Variants in AK5 observed in about 807,000 individuals in gnomAD.
The protein encoded by AK5 is adenylate kinase 5, also known as adenylate kinase isoenzyme 5.
In AK5, 27 loss-of-function variants were observed where a neutral mutation model predicts 69.5. That is an observed-to-expected ratio of 0.39 (90% CI 0.29 to 0.54). The LOEUF (loss-of-function observed/expected upper bound fraction) is 0.54, where lower values mean the gene tolerates loss of function less well. AK5 is among the 20% of genes least tolerant of loss of function. The probability of loss-of-function intolerance (pLI) is 0.71; values close to 1 mark genes in which losing one functional copy is unlikely to be tolerated. For missense variants in AK5, 531 were observed against 700.4 expected, an observed-to-expected ratio of 0.76 and a Z score of 2.73; for synonymous variants, 260 against 244.4, an observed-to-expected ratio of 1.06 and a Z score of -0.60.
At chr1:77,443,370 A>G (rs1173200923) in intron 8 of AK5, among the ~76,000 whole-genome samples, 1 of 152,190 alleles carries the variant, frequency 6.6e-6, no homozygotes, top group Non-Finnish European at 1.5e-5. Context: ...CTTAACCCAG[A>G]TAGACATGGA....
intron 10 of AK5, among the ~76,000 whole-genome samples, chr1:77,504,657 G>A (rs372411958): frequency 1.6e-4 from 24 of 152,160 alleles, no homozygotes; most frequent in African/African-American, 4.6e-4. Context: ...CTAATTGGAC[G>A]CATGTGTCTT....
chr1:77,328,677 T>C (rs955174240), intron 5 of AK5, among the ~76,000 whole-genome samples: 1 of 152,222 alleles, frequency 6.6e-6, no homozygotes, highest in Non-Finnish European at 1.5e-5. Flanking sequence ...ACTAACGATA[T>C]ACTCTGTTCA....
At chr1:77,491,820 T>C (rs74090619) in intron 10 of AK5, among the ~76,000 whole-genome samples, 7,135 of 152,282 alleles carry the variant, frequency 0.047, 353 homozygotes, top group East Asian at 0.2. Context: ...CCTATCCATC[T>C]TCTGGAGTAA....
At chr1:77,450,608 T>C (rs1653084032) in intron 8 of AK5, among the ~76,000 whole-genome samples, 2 of 152,318 alleles carry the variant, frequency 1.3e-5, no homozygotes, top group Admixed American at 6.5e-5. Context: ...CACTCTAAGT[T>C]CATCACTTTC....
At chr1:77,376,398 A>G (rs1647238477) in intron 6 of AK5, among the ~76,000 whole-genome samples, 1 of 148,700 alleles carries the variant, frequency 6.7e-6, no homozygotes, top group African/African-American at 2.5e-5. Context: ...GTGCAAAACC[A>G]AGCCAAAAAG....
At chr1:77,323,681 T>G (rs1397591854) in intron 5 of AK5, among the ~76,000 whole-genome samples, 1 of 152,214 alleles carries the variant, frequency 6.6e-6, no homozygotes, top group Admixed American at 6.5e-5. Context: ...ATAAGCCTTT[T>G]GGAAATTAAC....
intron 13 of AK5, among the ~76,000 whole-genome samples, chr1:77,555,147 A>G (rs1410725102): frequency 2.6e-5 from 4 of 152,016 alleles, no homozygotes; most frequent in Non-Finnish European, 5.9e-5. Flanking sequence ...GCATGGTGGC[A>G]CACACCTATA....
chr1:77,396,548 A>G (rs1170908600), intron 6 of AK5, among the ~76,000 whole-genome samples: 1 of 152,252 alleles, frequency 6.6e-6, no homozygotes, highest in African/African-American at 2.4e-5. Context: ...TACAAACAAT[A>G]TTAACACAAA....
chr1:77,293,726 G>GT, intron 2 of AK5, 67 bp from the exon 3 acceptor site: 1 of 1,366,588 alleles, frequency 7.3e-7, no homozygotes, highest in Non-Finnish European at 1.0e-6. Flanking sequence ...TTTACTAACT[G>GT]TTTAAGTGTG....
At chr1:77,293,657 A>G (rs1433585110) in intron 2 of AK5, 136 bp from the exon 3 acceptor site, 1 of 714,864 alleles carries the variant, frequency 1.4e-6, no homozygotes, top group Non-Finnish European at 2.2e-6. Flanking sequence ...CCTGCTGACC[A>G]CTTAGGGAGA....
chr1:77,524,973 C>T (rs1658192331), intron 12 of AK5, among the ~76,000 whole-genome samples: 1 of 152,176 alleles, frequency 6.6e-6, no homozygotes, highest in Non-Finnish European at 1.5e-5. Context: ...AGTGGTGAAT[C>T]TTGGCTCACT....
rs188142512 is a variant in AK5 at position 77,291,240 on chromosome 1, A to C, written c.248-2553A>C. ...TATCCTTTTAGACTTGAAACCTGGAAATTGTTTTTGAACTGTCACCTCCTT... is the reference window on the plus strand; with the variant it reads ...TATCCTTTTAGACTTGAAACCTGGACATTGTTTTTGAACTGTCACCTCCTT... On this transcript the variant is annotated intron_variant, in intron 2 of 13. Transcript: ENST00000354567. 4.6e-5 allele frequency among the ~76,000 whole-genome samples: 7 copies of C among 152,284 alleles called. No individual in the cohort carries two copies. The East Asian group carries it at 9.6e-4, about 21-fold the overall frequency.
At chr1:77,373,976 G>A (rs17100476) in intron 6 of AK5, among the ~76,000 whole-genome samples, 17,527 of 152,156 alleles carry the variant, frequency 0.12, 1,114 homozygotes, top group Middle Eastern at 0.14. Flanking sequence ...AATTGCCCAA[G>A]AAACTATATG....
intron 13 of AK5, among the ~76,000 whole-genome samples, chr1:77,557,504 AGAG>A (rs1331264528): frequency 2.0e-5 from 3 of 152,228 alleles, no homozygotes; most frequent in African/African-American, 7.2e-5. Context: ...GTGCGTTAGG[AGAG>A]GAGAAGGGGC....
intron 8 of AK5, among the ~76,000 whole-genome samples, chr1:77,418,563 G>A (rs563967619): frequency 6.4e-4 from 97 of 152,180 alleles, no homozygotes; most frequent in African/African-American, 2.3e-3. Context: ...CCTCTCAGCA[G>A]AAGAACTCTC....
chr1:77,333,376 A>T (rs561901766), intron 5 of AK5, among the ~76,000 whole-genome samples: 165 of 152,276 alleles, frequency 1.1e-3, no homozygotes, highest in African/African-American at 3.9e-3. Flanking sequence ...TATCCAGTTC[A>T]TATTTTTTTA....
chr1:77,446,217 C>CTTT (rs1570146551), intron 8 of AK5, among the ~76,000 whole-genome samples: 1 of 152,082 alleles, frequency 6.6e-6, no homozygotes, highest in Non-Finnish European at 1.5e-5. Flanking sequence ...TTTTGGTGCC[C>CTTT]TTGCTGAAAA....
chr1:77,518,566 GGT>G lies in AK5; in HGVS notation c.1151_1152del (p.Gly384AlafsTer10), dbSNP rs770224197. 1 of 1,613,862 alleles carries G rather than the reference GGT, an allele frequency of 6.2e-7. No individual in the cohort carries two copies. The highest frequency in any genetic ancestry group is 8.5e-7 in the Non-Finnish European group (1 of 1,179,870). On this transcript the variant is annotated frameshift_variant, in exon 11 of 14. Transcript: ENST00000354567. LOFTEE classifies it high-confidence loss of function. ...RKCKIIFIIG[G>X]PGSGKGTQCE... is the part of the protein sequence containing the mutation. ...CTGACACATGACTTCTTTTCAAGGT[GGT>G]CCTGGCTCTGGCAAAGGCACACAGT...
At chr1:77,344,748 T>A (rs1332149466) in intron 6 of AK5, among the ~76,000 whole-genome samples, 5 of 152,214 alleles carry the variant, frequency 3.3e-5, no homozygotes, top group South Asian at 2.1e-4. Context: ...TTCTTTTTTT[T>A]AATTTATATT....
Sources: gnomAD v4.1 joint callset for allele counts (sites outside exome capture counted in the v4.1 genomes callset) on GRCh38, gnomAD v4.1.1 for gene constraint, MANE v1.5 for transcripts, NCBI Gene and HGNC (gene_info 2026-07-23, HGNC 2026-07-21) for gene names.